The following LHCGR variants were observed in gnomAD, a reference collection of about 807,000 sequenced individuals.
LHCGR encodes the protein luteinizing hormone/choriogonadotropin receptor, also known as lutropin-choriogonadotropic hormone receptor.
A neutral mutation model predicts 60.7 loss-of-function variants in LHCGR; 55 were observed. The observed-to-expected ratio is 0.91, with a 90% confidence interval of 0.73 to 1.13. LHCGR has a LOEUF of 1.13. LHCGR is among the 50% of genes most tolerant of loss of function. The pLI is 0.00. For missense variants in LHCGR, 862 were observed against 836.0 expected (o/e 1.03, Z -0.38); for synonymous variants, 337 against 316.5 (o/e 1.06, Z -0.69).
intron 10 of LHCGR, among the ~76,000 whole-genome samples, chr2:48,691,570 G>A (rs1240885923): frequency 6.6e-6 from 1 of 152,180 alleles, no homozygotes; most frequent in African/African-American, 2.4e-5. Context: ...TTAAGGCCGG[G>A]CGCGGTGGCT....
intron 7 of LHCGR, among the ~76,000 whole-genome samples, chr2:48,711,761 C>T (rs1668001590): frequency 6.6e-6 from 1 of 152,192 alleles, no homozygotes; most frequent in Non-Finnish European, 1.5e-5. Flanking sequence ...CAGGTGACCT[C>T]AGCCACACAG....
chr2:48,743,908 C>CTTTAATTTGTT lies in LHCGR; in HGVS notation c.161+11602_161+11603insAACAAATTAAA, dbSNP rs1669586297. The stretch of plus-strand genomic sequence containing the variant: ...AGGAAAAGAGGAAGTCAAATTGTCC[C>CTTTAATTTGTT]TGTTTGCAGACGACGTGATTGTATA... On this transcript the variant is annotated intron_variant, in intron 1 of 10. Transcript: ENST00000294954. 4.0e-5 allele frequency among the ~76,000 whole-genome samples: 6 copies of CTTTAATTTGTT among 151,508 alleles called. No homozygotes were observed. The South Asian group carries it at 1.2e-3, about 31-fold the overall frequency.
chr2:48,688,790 C>T lies in LHCGR; in HGVS notation c.1007G>A (p.Cys336Tyr). Residue 336 changes from cysteine to tyrosine, a missense_variant, in exon 11 of 11, where the codon TGC (cysteine) becomes TAC (tyrosine). Coordinates refer to ENST00000294954, the MANE Select transcript of LHCGR (RefSeq NM_000233.4). This position sits in a 1 kb window ranked among gnomAD's most constrained non-coding sequence, Gnocchi z 5.2. ...LSGWDYEYGF[C>Y]LPKTPRCAPE... is the part of the protein sequence containing the mutation. Reference sequence around the variant, plus strand: ...AGCACATCGGGGTGTCTTGGGTAAGCAGAAACCATATTCATAGTCCCAGCC... The same window carrying T: ...AGCACATCGGGGTGTCTTGGGTAAGTAGAAACCATATTCATAGTCCCAGCC... 1 of 1,614,110 alleles carries T rather than the reference C, an allele frequency of 6.2e-7. No individual in the cohort carries two copies. Among genetic ancestry groups the T allele is most frequent in the Non-Finnish European group, 8.5e-7 (1 of 1,180,008 alleles).
chr2:48,689,158 TAC>T (rs1680074875), intron 10 of LHCGR, among the ~76,000 whole-genome samples: 1 of 150,936 alleles, frequency 6.6e-6, no homozygotes. Context: ...TATACATATA[TAC>T]ACACATATAT....
chr2:48,738,764 A>G (rs1260508216), intron 1 of LHCGR, among the ~76,000 whole-genome samples: 1 of 152,268 alleles, frequency 6.6e-6, no homozygotes. Flanking sequence ...GGTAAGAAAA[A>G]AGAATGTAAA....
intron 1 of LHCGR, chr2:48,732,785 T>G: frequency 1.9e-6 from 1 of 522,274 alleles, no homozygotes; most frequent in South Asian, 1.4e-5. Flanking sequence ...TAGGTGCTAA[T>G]AGGGAGGAAA....
At chr2:48,722,400 G>A (rs1055132272) in intron 6 of LHCGR, among the ~76,000 whole-genome samples, 1 of 152,174 alleles carries the variant, frequency 6.6e-6, no homozygotes, top group African/African-American at 2.4e-5. Context: ...TAGAGGATAT[G>A]GTTTAGATCT....
intron 1 of LHCGR, among the ~76,000 whole-genome samples, chr2:48,736,830 G>A (rs1669224021): frequency 6.6e-6 from 1 of 152,172 alleles, no homozygotes; most frequent in Non-Finnish European, 1.5e-5. Context: ...TCTATAGATG[G>A]ATTTACTGCA....
intron 8 of LHCGR, among the ~76,000 whole-genome samples, chr2:48,708,447 G>T (rs1395018071): frequency 6.6e-6 from 1 of 152,144 alleles, no homozygotes; most frequent in African/African-American, 2.4e-5. Flanking sequence ...TAGAGATAGG[G>T]TCTTTACAGA....
chr2:48,752,922 G>C (rs1346365195), intron 1 of LHCGR, among the ~76,000 whole-genome samples: 2 of 132,202 alleles, frequency 1.5e-5, no homozygotes, highest in East Asian at 2.4e-4. Context: ...TCTGCCTCTG[G>C]GTTTAGGATT....
rs1668114270 is a variant in LHCGR at position 48,713,903 on chromosome 2, G to A, written c.605+83C>T. 2.7e-6 allele frequency: 3 copies of A among 1,104,826 alleles called. No homozygotes were observed. The African/African-American group carries it at 4.7e-5, about 17-fold the overall frequency. The allele number at this position is 1,104,826 out of a possible 1,614,324, so 68.4% of individuals were successfully genotyped here. ...GAAAGTTTATTTTTGCCCTGAGTTA[G>A]TTGCTGAAGATTGAATGTGATCTTG... is the stretch of plus-strand genomic sequence containing the variant. On this transcript the variant is annotated intron_variant, in intron 7 of 10. Transcript: ENST00000294954.
intron 1 of LHCGR, among the ~76,000 whole-genome samples, chr2:48,749,801 C>T (rs552321751): frequency 3.3e-5 from 5 of 151,572 alleles, no homozygotes; most frequent in Admixed American, 6.6e-5. Context: ...CCAAAGAGAT[C>T]TGTGTGTGAA....
chr2:48,692,719 AC>A (rs572010490), intron 10 of LHCGR, among the ~76,000 whole-genome samples: 31 of 152,198 alleles, frequency 2.0e-4, no homozygotes, highest in Non-Finnish European at 3.1e-4. Context: ...AGAGGTAAGG[AC>A]ACATTATCTT....
chr2:48,694,428 A>G (rs1323026251), intron 9 of LHCGR, 124 bp from the exon 10 acceptor site: 1 of 688,290 alleles, frequency 1.5e-6, no homozygotes, highest in Non-Finnish European at 2.6e-6. Flanking sequence ...CTCGTTCTGC[A>G]CCATTGTCCT....
chr2:48,742,293 A>G (rs1279417447), intron 1 of LHCGR, among the ~76,000 whole-genome samples: 1 of 152,192 alleles, frequency 6.6e-6, no homozygotes, highest in Non-Finnish European at 1.5e-5. Flanking sequence ...TGAGACAGAA[A>G]GTCAGCAAGG....
intron 10 of LHCGR, among the ~76,000 whole-genome samples, chr2:48,693,062 C>T (rs1477827324): frequency 6.6e-6 from 1 of 152,108 alleles, no homozygotes; most frequent in Non-Finnish European, 1.5e-5. Flanking sequence ...CTATTATTAA[C>T]TATATCCATA....
At chr2:48,725,890 C>G (rs1001916475) in intron 3 of LHCGR, 140 bp from the exon 4 acceptor site, 2 of 722,080 alleles carry the variant, frequency 2.8e-6, no homozygotes, top group Admixed American at 2.0e-5. Context: ...TTGGGAGGAC[C>G]CCTAGCGACT....
At chr2:48,736,262 A>C (rs1351109667) in intron 1 of LHCGR, among the ~76,000 whole-genome samples, 1 of 152,110 alleles carries the variant, frequency 6.6e-6, no homozygotes, top group African/African-American at 2.4e-5. Flanking sequence ...TCATCCAGTG[A>C]CTGGACAATG....
rs141728330 is a variant in LHCGR, at chr2:48,730,710, G to A, written c.233+517C>T. Among the ~76,000 whole-genome samples the A allele has an allele frequency of 1.4e-3, 212 of 152,320 alleles. 1 individual carries two copies. The highest frequency in any genetic ancestry group is 5.0e-3 in the African/African-American group (206 of 41,574). On this transcript the variant is annotated intron_variant, in intron 2 of 10. Coordinates refer to ENST00000294954, the MANE Select transcript of LHCGR (RefSeq NM_000233.4). ...CCCAGAAACAAATGATCGAAGTTAT[G>A]TCTGACAAACATGAGATCATACTGC...
Sources: allele counts gnomAD v4.1 joint callset (sites outside exome capture counted in the v4.1 genomes callset), GRCh38; gene constraint gnomAD v4.1.1; non-coding constraint Gnocchi (gnomAD v3.1); transcripts MANE v1.5; gene names NCBI Gene and HGNC (gene_info 2026-07-23, HGNC 2026-07-21).